The following ADCK1 variants were observed in gnomAD, a reference collection of about 807,000 sequenced individuals.
ADCK1 encodes aarF domain-containing protein kinase 1.
ADCK1 carries 41 observed loss-of-function variants against 52.3 expected under a neutral mutation model. That is an observed-to-expected ratio of 0.78 (90% CI 0.61 to 1.02). ADCK1 has a LOEUF of 1.02. Among genes scored for constraint, ADCK1 ranks in the 50% least tolerant of loss-of-function variants. ADCK1 has a pLI of 0.00. For synonymous variants in ADCK1, 250 were observed against 274.6 expected, an observed-to-expected ratio of 0.91 and a Z score of 0.89; for missense variants, 658 against 679.5, an observed-to-expected ratio of 0.97 and a Z score of 0.35.
At chr14:77,913,463 C>T (rs2083843167) in intron 7 of ADCK1, among the ~76,000 whole-genome samples, 1 of 152,194 alleles carries the variant, frequency 6.6e-6, no homozygotes, top group South Asian at 2.1e-4. Flanking sequence ...TACCAAGGGC[C>T]TGACCTGGTG....
At chr14:77,831,827 G>T (rs2081857160) in intron 3 of ADCK1, among the ~76,000 whole-genome samples, 1 of 152,194 alleles carries the variant, frequency 6.6e-6, no homozygotes, top group Admixed American at 6.5e-5. Context: ...TCTGGCCTGT[G>T]GATATTGGTT....
chr14:77,912,855 C>T (rs747090597), intron 7 of ADCK1, among the ~76,000 whole-genome samples: 28 of 152,254 alleles, frequency 1.8e-4, no homozygotes, highest in Admixed American at 4.6e-4. Flanking sequence ...CAGTCCCACT[C>T]GGCCCAATAG....
At chr14:77,822,405 T>G in intron 2 of ADCK1, 30 bp from the exon 3 acceptor site, 1 of 1,580,808 alleles carries the variant, frequency 6.3e-7, no homozygotes, top group Non-Finnish European at 8.7e-7. Flanking sequence ...GTCCAGGTGC[T>G]AAGCTTTTCT....
intron 1 of ADCK1, among the ~76,000 whole-genome samples, chr14:77,809,118 G>A (rs1024715396): frequency 6.6e-6 from 1 of 152,126 alleles, no homozygotes; most frequent in Non-Finnish European, 1.5e-5. Flanking sequence ...TAAGAATTTG[G>A]TGGGCCTTGA....
intron 4 of ADCK1, among the ~76,000 whole-genome samples, chr14:77,872,629 G>T (rs1440251581): frequency 6.6e-6 from 1 of 151,858 alleles, no homozygotes; most frequent in Non-Finnish European, 1.5e-5. Flanking sequence ...TGCTTCCTTA[G>T]AGCTGGGTCT....
chr14:77,872,747 T>C (rs1260365547), intron 4 of ADCK1, among the ~76,000 whole-genome samples: 2 of 151,522 alleles, frequency 1.3e-5, no homozygotes, highest in African/African-American at 4.9e-5. Flanking sequence ...TGGTCTTGGC[T>C]CACTGCAACC....
In ADCK1 at chr14:77,933,546, C is replaced by A. The variant is rs1005928278; in HGVS notation, c.*155C>A. On this transcript the variant is annotated 3_prime_UTR_variant, in exon 11 of 11. Transcript: ENST00000238561. The stretch of plus-strand genomic sequence containing the variant: ...CCTTCTCCTCCTTTGGAATCCTCTC[C>A]GCACACTGTGGCCCTTGTCTCAGGG... The A allele has an allele frequency of 2.3e-6, 2 of 874,808 alleles. No homozygotes were observed. Among genetic ancestry groups the A allele is most frequent in the Admixed American group, 2.3e-5 (1 of 43,002 alleles). The allele number at this position is 874,808 out of a possible 1,614,324, so 54.2% of individuals were successfully genotyped here.
chr14:77,840,860 G>A (rs988377473), intron 3 of ADCK1, among the ~76,000 whole-genome samples: 1 of 141,906 alleles, frequency 7.0e-6, no homozygotes, highest in Non-Finnish European at 1.5e-5. Context: ...AGAAAGAAGG[G>A]CAGCAGGGAG....
chr14:77,828,534 A>G (rs563555129), intron 3 of ADCK1, among the ~76,000 whole-genome samples: 92 of 151,992 alleles, frequency 6.1e-4, no homozygotes, highest in Middle Eastern at 3.4e-3. Flanking sequence ...TAGTTATTTA[A>G]TTATTGTTAT....
intron 3 of ADCK1, among the ~76,000 whole-genome samples, chr14:77,838,249 C>T (rs781056618): frequency 7.2e-5 from 11 of 152,058 alleles, no homozygotes; most frequent in East Asian, 1.9e-4. Context: ...TCCAATTAGC[C>T]GAATAACTTC....
intron 9 of ADCK1, among the ~76,000 whole-genome samples, chr14:77,929,564 G>T (rs147944410): frequency 0.028 from 4,237 of 152,360 alleles, 78 homozygotes; most frequent in African/African-American, 0.045. Flanking sequence ...AAGGGGCTGA[G>T]AGCTCAGAGC....
At chr14:77,813,670 A>G (rs2140012481) in intron 1 of ADCK1, among the ~76,000 whole-genome samples, 2 of 152,254 alleles carry the variant, frequency 1.3e-5, no homozygotes, top group Middle Eastern at 6.8e-3. Context: ...GAGTGAATAC[A>G]GTCCTCTGGT....
chr14:77,872,660 G>A (rs984078031), intron 4 of ADCK1, among the ~76,000 whole-genome samples: 3 of 145,752 alleles, frequency 2.1e-5, no homozygotes, highest in Non-Finnish European at 4.5e-5. Flanking sequence ...CCGCCCCCAG[G>A]TCCCCTTTCC....
chr14:77,879,642 G>A lies in ADCK1; in HGVS notation c.424-7449G>A, dbSNP rs1424911946. On this transcript the variant is annotated intron_variant, in intron 4 of 10. Coordinates refer to ENST00000238561, the MANE Select transcript of ADCK1 (RefSeq NM_020421.4). ...AAGCTGGTGTAGTGACTTATGCAGCGAGAAGTGACATGATCAGCTTATGTT... is the reference window on the plus strand; with the variant it reads ...AAGCTGGTGTAGTGACTTATGCAGCAAGAAGTGACATGATCAGCTTATGTT... Among the ~76,000 whole-genome samples the A allele has an allele frequency of 2.0e-5, 3 of 152,308 alleles. No individual in the cohort carries two copies. In the South Asian group the frequency reaches 6.2e-4, roughly 32 times the overall value.
At chr14:77,891,692 A>G (rs1432468366) in intron 5 of ADCK1, among the ~76,000 whole-genome samples, 1 of 152,012 alleles carries the variant, frequency 6.6e-6, no homozygotes, top group Non-Finnish European at 1.5e-5. Context: ...TGAGACCCGC[A>G]CTCATACCCT....
At chr14:77,889,348 C>T (rs968529519) in intron 5 of ADCK1, among the ~76,000 whole-genome samples, 43 of 152,224 alleles carry the variant, frequency 2.8e-4, no homozygotes, top group African/African-American at 1.0e-3. Context: ...TGAATGTGGT[C>T]TCTTTCTCAA....
chr14:77,861,376 G>T (rs1208295388), intron 4 of ADCK1, among the ~76,000 whole-genome samples: 1 of 152,044 alleles, frequency 6.6e-6, no homozygotes, highest in East Asian at 1.9e-4. Flanking sequence ...AGGGAGGGGA[G>T]CGGGGCCATG....
chr14:77,872,303 C>T (rs749043982), intron 4 of ADCK1, among the ~76,000 whole-genome samples: 4 of 152,114 alleles, frequency 2.6e-5, no homozygotes, highest in Non-Finnish European at 5.9e-5. Flanking sequence ...TGAGTGTCAC[C>T]GGACTCCAGA....
chr14:77,825,214 G>A (rs1034128649), intron 3 of ADCK1, among the ~76,000 whole-genome samples: 4 of 151,976 alleles, frequency 2.6e-5, no homozygotes, highest in Admixed American at 2.0e-4. Context: ...TTGATTTTTC[G>A]ATCTGTATCT....
Sources: allele counts gnomAD v4.1 joint callset (sites outside exome capture counted in the v4.1 genomes callset), GRCh38; gene constraint gnomAD v4.1.1; transcripts MANE v1.5; gene names NCBI Gene and HGNC (gene_info 2026-07-23, HGNC 2026-07-21).